Variants in BLTP2 observed in about 807,000 individuals in gnomAD.
The protein encoded by BLTP2 is U937-associated antigen.
At chr17:28,634,709 G>A in the BLTP2 span, 32 of 1,614,026 alleles carry the variant, frequency 2.0e-5, no homozygotes, top group Admixed American at 6.7e-5. Context: ...AGTGCCCGGC[G>A]CATGGGTGTG....
the BLTP2 span, chr17:28,644,126 T>A: frequency 6.2e-7 from 1 of 1,614,220 alleles, no homozygotes; most frequent in Non-Finnish European, 8.5e-7. Flanking sequence ...AAGGAGCCAA[T>A]CTTTAGCTCC....
chr17:28,625,886 T>A, the BLTP2 span, among the ~76,000 whole-genome samples: 1 of 152,112 alleles, frequency 6.6e-6, no homozygotes, highest in Admixed American at 6.5e-5. Flanking sequence ...CGTCTCAGCC[T>A]CCCGAGTAGC....
At chr17:28,624,464 TG>T in the BLTP2 span, 243 of 1,342,676 alleles carry the variant, frequency 1.8e-4, no homozygotes, top group Non-Finnish European at 2.4e-4. Flanking sequence ...AGAGCCAAAT[TG>T]ATCTTCCCTC....
chr17:28,639,162 T>C, the BLTP2 span: 8 of 754,636 alleles, frequency 1.1e-5, no homozygotes, highest in Non-Finnish European at 1.8e-5. Flanking sequence ...TCTAGTCTAA[T>C]GGGAAAGATA....
chr17:28,644,900 C>A, the BLTP2 span: 2 of 1,193,838 alleles, frequency 1.7e-6, no homozygotes, highest in South Asian at 2.6e-5. Flanking sequence ...CTCAGTAAGG[C>A]GCGCGCCCCC....
At chr17:28,618,026 A>G in the BLTP2 span, among the ~76,000 whole-genome samples, 4 of 142,040 alleles carry the variant, frequency 2.8e-5, no homozygotes, top group South Asian at 2.2e-4. Flanking sequence ...TCCACCTCCC[A>G]GGTTCAAACG....
the BLTP2 span, chr17:28,616,812 A>G: frequency 6.2e-6 from 10 of 1,610,778 alleles, no homozygotes; most frequent in Non-Finnish European, 8.5e-6. This position sits in a 1 kb window ranked among gnomAD's most constrained non-coding sequence, Gnocchi z 4.8. Context: ...CAGTTTACCT[A>G]CTCCTAATAT....
At chr17:28,642,334 G>C in the BLTP2 span, 2 of 1,613,980 alleles carry the variant, frequency 1.2e-6, no homozygotes, top group Admixed American at 1.7e-5. Flanking sequence ...TCACAGATTA[G>C]CCTGGGAAAG....
chr17:28,637,247 TTATTCCCTTAAC>T, the BLTP2 span: 1 of 1,122,636 alleles, frequency 8.9e-7, no homozygotes, highest in South Asian at 1.3e-5. Flanking sequence ...CCTTTCTCAC[TTATTCCCTTAAC>T]TATCTTTATT....
chr17:28,616,562 G>A, the BLTP2 span: 13 of 1,613,846 alleles, frequency 8.1e-6, no homozygotes, highest in Non-Finnish European at 1.1e-5. This position sits in a 1 kb window ranked among gnomAD's most constrained non-coding sequence, Gnocchi z 4.8. Flanking sequence ...TGAAGTCTCA[G>A]CTGTCTTTGG....
At chr17:28,643,991 G>T in the BLTP2 span, 2 of 1,530,322 alleles carry the variant, frequency 1.3e-6, no homozygotes, top group Non-Finnish European at 8.8e-7. Context: ...TTTAAAAAAA[G>T]GAAATTAAGA....
the BLTP2 span, chr17:28,633,166 C>T: frequency 6.3e-7 from 1 of 1,583,024 alleles, no homozygotes; most frequent in Non-Finnish European, 8.6e-7. Context: ...GTCATACCTG[C>T]CTCACAATGG....
the BLTP2 span, chr17:28,644,976 C>A: frequency 6.4e-7 from 1 of 1,567,662 alleles, no homozygotes; most frequent in Non-Finnish European, 8.6e-7. Flanking sequence ...CCGGCGCGGC[C>A]GGGAACCCTC....
At chr17:28,642,406 C>G in the BLTP2 span, 7 of 1,247,550 alleles carry the variant, frequency 5.6e-6, 1 homozygote, top group South Asian at 8.4e-5. Flanking sequence ...AACCCCAGCA[C>G]TTTGGGAGGC....
the BLTP2 span, chr17:28,615,201 C>T: frequency 1.9e-6 from 3 of 1,614,016 alleles, no homozygotes; most frequent in Admixed American, 1.7e-5. Context: ...TTTCCCCGGA[C>T]CTCAGAGCCT....
At chr17:28,639,016 T>C in the BLTP2 span, 2 of 476,816 alleles carry the variant, frequency 4.2e-6, no homozygotes, top group African/African-American at 2.0e-5. Flanking sequence ...ACTGCCACCT[T>C]ACAATCAAAG....
chr17:28,619,616 G>A, the BLTP2 span: 105 of 1,611,796 alleles, frequency 6.5e-5, no homozygotes, highest in Middle Eastern at 1.0e-3. Context: ...CCTCTAGCTG[G>A]GGCACTGGAA....
chr17:28,642,434 G>GCAAA, the BLTP2 span: 1 of 893,288 alleles, frequency 1.1e-6, no homozygotes, highest in Non-Finnish European at 1.9e-6. Context: ...GGAGGATCAT[G>GCAAA]AGGTCAGGAG....
the BLTP2 span, chr17:28,615,847 A>T: frequency 6.3e-7 from 1 of 1,599,008 alleles, no homozygotes; most frequent in African/African-American, 1.3e-5. Context: ...TGGGGAATAC[A>T]TCAGCTGCCA....
Sources: gnomAD v4.1 joint callset for allele counts (sites outside exome capture counted in the v4.1 genomes callset) on GRCh38, gnomAD v4.1.1 for gene constraint, Gnocchi (gnomAD v3.1) non-coding constraint, MANE v1.5 for transcripts, NCBI Gene and HGNC (gene_info 2026-07-23, HGNC 2026-07-21) for gene names.